ZNF446: variants seen among roughly 807,000 people sequenced by gnomAD.
ZNF446 encodes zinc finger protein 446.
ZNF446 carries 42 observed loss-of-function variants against 34.0 expected under a neutral mutation model. The ratio of observed to expected loss-of-function variants is 1.23; its 90% CI spans 0.96 to 1.60. ZNF446 has a LOEUF of 1.60. Among genes scored for constraint, ZNF446 ranks in the 40% most tolerant of loss-of-function variants. The pLI is 0.00. For synonymous variants in ZNF446, 315 were observed against 251.0 expected, an observed-to-expected ratio of 1.25 and a Z score of -2.41; for missense variants, 650 against 600.2, an observed-to-expected ratio of 1.08 and a Z score of -0.87.
intron 1 of ZNF446, among the ~76,000 whole-genome samples, 154 bp from the exon 2 acceptor site, chr19:58,477,025 T>A (rs1349252986): frequency 6.6e-6 from 1 of 152,134 alleles, no homozygotes; most frequent in Non-Finnish European, 1.5e-5. Flanking sequence ...TTGGGTCCTG[T>A]GACCCTCCTC....
At chr19:58,482,629 C>T (rs750232178), downstream of ZNF446, among the ~76,000 whole-genome samples, 6 of 152,186 alleles carry the variant, frequency 3.9e-5, no homozygotes, top group Non-Finnish European at 8.8e-5. Context: ...CCTGCTGCGG[C>T]CTGAAGCTGG....
rs373908208 is a variant in ZNF446 at position 58,477,641 on chromosome 19, C to G, written c.347C>G (p.Thr116Arg). 1.0e-4 allele frequency: 168 copies of G among 1,613,688 alleles called. No homozygotes were observed. Among genetic ancestry groups the G allele is most frequent in the Admixed American group, 4.8e-4 (29 of 60,010 alleles). Residue 116 changes from threonine to arginine, a missense_variant, in exon 3 of 7, where the codon ACA (threonine) becomes AGA (arginine). Thr to Arg is a moderately conservative substitution (Grantham distance 71). Coordinates refer to ENST00000594369, the MANE Select transcript of ZNF446 (RefSeq NM_017908.4). ...HDPGQLLGWI[T>R]AHVLKQEVLP... ...TGACCTACCTCTTCTCCTCAGATCA[C>G]AGCCCATGTCCTGAAGCAGGAGGTG... is the stretch of plus-strand genomic sequence containing the variant.
intron 4 of ZNF446, 35 bp from the exon 5 acceptor site, chr19:58,479,608 G>A: frequency 6.2e-7 from 1 of 1,607,758 alleles, no homozygotes; most frequent in South Asian, 1.1e-5. Context: ...GGGAAGGGGT[G>A]GAAAGACGCC....
intron 4 of ZNF446, 126 bp downstream of exon 4, chr19:58,478,307 C>T: frequency 1.3e-6 from 1 of 796,020 alleles, no homozygotes; most frequent in Non-Finnish European, 2.0e-6. Context: ...GAAGTGGAGT[C>T]TGTAAAAGCT....
chr19:58,477,651 C>T lies in ZNF446; in HGVS notation c.357C>T (p.Val119=). Reference sequence around the variant, plus strand: ...CTTCTCCTCAGATCACAGCCCATGTCCTGAAGCAGGAGGTGCTCCCTGCAG... The same window carrying T: ...CTTCTCCTCAGATCACAGCCCATGTTCTGAAGCAGGAGGTGCTCCCTGCAG... ...GQLLGWITAH[V]LKQEVLPAAQ... Residue 119 remains valine, a synonymous_variant, in exon 3 of 7, where the codon GTC becomes GTT. Transcript: ENST00000594369. 1.2e-6 allele frequency: 2 copies of T among 1,613,832 alleles called. No homozygotes were observed. The highest frequency in any genetic ancestry group is 1.7e-6 in the Non-Finnish European group (2 of 1,180,030).
Position 58,480,766 on chromosome 19 carries a change from C to A in ZNF446, c.*40C>A. On this transcript the variant is annotated 3_prime_UTR_variant, in exon 7 of 7. Coordinates refer to ENST00000594369, the MANE Select transcript of ZNF446 (RefSeq NM_017908.4). The surrounding 1 kb of genome is among the most constrained non-coding windows in gnomAD (Gnocchi z 7.2). ...CAGTCCCTCGGGGCCTCGGTGTTCT[C>A]GGGGCCTGGATACAGCCTCTGGGGC... 1 of 1,573,124 alleles carries A rather than the reference C, an allele frequency of 6.4e-7. No homozygotes were observed. Among genetic ancestry groups the A allele is most frequent in the South Asian group, 1.1e-5 (1 of 88,164 alleles).
chr19:58,479,581 G>A (rs765436754), intron 4 of ZNF446, 62 bp from the exon 5 acceptor site: 4 of 1,566,882 alleles, frequency 2.6e-6, no homozygotes, highest in Admixed American at 3.7e-5. Context: ...AGGTAAGAAT[G>A]TGAACCAGAC....
At chr19:58,479,430 A>G (rs913247918) in intron 4 of ZNF446, 1 of 574,698 alleles carries the variant, frequency 1.7e-6, no homozygotes, top group Non-Finnish European at 3.1e-6. Context: ...ATGGTGTAGT[A>G]GAGGGGGATG....
chr19:58,478,502 A>G (rs2122443565), intron 4 of ZNF446, among the ~76,000 whole-genome samples: 1 of 152,138 alleles, frequency 6.6e-6, no homozygotes, highest in African/African-American at 2.4e-5. Context: ...TGTATCTACT[A>G]AAGATACAAA....
chr19:58,480,909 GCT>G lies in ZNF446; in HGVS notation c.*192_*193del. On this transcript the variant is annotated 3_prime_UTR_variant, in exon 7 of 7. Coordinates refer to ENST00000594369, the MANE Select transcript of ZNF446 (RefSeq NM_017908.4). This position sits in a 1 kb window ranked among gnomAD's most constrained non-coding sequence, Gnocchi z 7.2. ...GACCTGGGTGCAAGGAAAAGGAGCT[GCT>G]CTCTCTCTTCTTGCCCCTGCCTCCT... 5 of 718,662 alleles carry G rather than the reference GCT, an allele frequency of 7.0e-6. No individual in the cohort carries two copies. In the Admixed American group the frequency reaches 8.8e-5, roughly 13 times the overall value. The allele number at this position is 718,662 out of a possible 1,614,324, so 44.5% of individuals were successfully genotyped here. A position where few individuals can be genotyped will look rare whatever the true frequency, so the allele number is the denominator to read the frequency against.
In ZNF446 at chr19:58,480,667, T is replaced by G; in HGVS notation, c.1294T>G (p.Phe432Val). The G allele has an allele frequency of 1.2e-6, 2 of 1,611,076 alleles. No homozygotes were observed. Among genetic ancestry groups the G allele is most frequent in the South Asian group, 2.2e-5 (2 of 91,064 alleles). The change falls in exon 7 of 7, where the codon TTC becomes GTC. Residue 432 changes from phenylalanine (F) to valine (V), a missense_variant. Phe to Val is a conservative substitution (Grantham distance 50, BLOSUM62 -1). Transcript: ENST00000594369. The surrounding 1 kb of genome is among the most constrained non-coding windows in gnomAD (Gnocchi z 7.2). The stretch of plus-strand genomic sequence containing the variant: ...CTTCTGCAGTGACTGTGGCCGCGCC[T>G]TCGACTGGAAGTCGCAGCTGGTCAT... ...RHFCSDCGRA[F>V]DWKSQLVIHR...
downstream of ZNF446, among the ~76,000 whole-genome samples, chr19:58,484,686 T>A (rs1159091190): frequency 6.6e-6 from 1 of 151,958 alleles, no homozygotes; most frequent in Non-Finnish European, 1.5e-5. Context: ...CGATAAAATT[T>A]TTTTTAAAAA....
rs145267240 is a variant in ZNF446 at position 58,479,665 on chromosome 19, G to C, written c.650G>C (p.Arg217Pro). Residue 217 changes from arginine to proline, a missense_variant, in exon 5 of 7, where the codon CGG becomes CCG. By Grantham distance (103) the Arg-to-Pro change is moderately radical. Coordinates refer to ENST00000594369, the MANE Select transcript of ZNF446 (RefSeq NM_017908.4). The part of the protein sequence containing the change: ...RIQEEWGLLD[R>P]SQKELYWDAM... ...CAGGAGGAGTGGGGGCTGCTGGACC[G>C]GTCACAGAAGGAACTGTACTGGGAT... The C allele has an allele frequency of 1.2e-6, 2 of 1,613,796 alleles. No homozygotes were observed. The highest frequency in any genetic ancestry group is 1.7e-6 in the Non-Finnish European group (2 of 1,179,936).
chr19:58,478,877 A>T (rs2053113019), intron 4 of ZNF446, among the ~76,000 whole-genome samples: 2 of 151,840 alleles, frequency 1.3e-5, no homozygotes, highest in Admixed American at 6.6e-5. Context: ...CTCCCCCCAC[A>T]CCTGAGACCA....
downstream of ZNF446, among the ~76,000 whole-genome samples, chr19:58,482,211 T>G (rs2053145477): frequency 6.6e-6 from 1 of 152,024 alleles, no homozygotes; most frequent in Admixed American, 6.6e-5. Context: ...TTTTTCTTGG[T>G]CCATTCCTCC....
At chr19:58,485,080 T>C (rs1373954002), downstream of ZNF446, among the ~76,000 whole-genome samples, 1 of 151,912 alleles carries the variant, frequency 6.6e-6, no homozygotes, top group Non-Finnish European at 1.5e-5. Context: ...TTTTATATGA[T>C]CCAACAAAAA....
In ZNF446 at chr19:58,480,687, G is replaced by A; in HGVS notation, c.1314G>A (p.Leu438=). The change falls in exon 7 of 7, where the codon CTG becomes CTA. Residue 438 remains leucine, a synonymous_variant. Transcript: ENST00000594369. This position sits in a 1 kb window ranked among gnomAD's most constrained non-coding sequence, Gnocchi z 7.2. ...GCGCCTTCGACTGGAAGTCGCAGCT[G>A]GTCATCCACCGCAAGGGCCACCGGC... ...CGRAFDWKSQ[L]VIHRKGHRPE... The A allele has an allele frequency of 3.1e-6, 5 of 1,609,262 alleles. No individual in the cohort carries two copies. The South Asian group carries it at 5.5e-5, about 18-fold the overall frequency.
chr19:58,479,813 C>A, intron 5 of ZNF446, 86 bp downstream of exon 5: 1 of 1,465,426 alleles, frequency 6.8e-7, no homozygotes, highest in Non-Finnish European at 9.4e-7. Context: ...GGCCTCTGTG[C>A]TACCAGCCCT....
At chr19:58,484,293 A>C (rs559480884), downstream of ZNF446, among the ~76,000 whole-genome samples, 162 of 143,124 alleles carry the variant, frequency 1.1e-3, 1 homozygote, top group South Asian at 5.7e-3. Context: ...AAAAAAAAAA[A>C]ACACACAATT....
Sources: gnomAD v4.1 joint callset for allele counts (sites outside exome capture counted in the v4.1 genomes callset) on GRCh38, gnomAD v4.1.1 for gene constraint, Gnocchi (gnomAD v3.1) non-coding constraint, MANE v1.5 for transcripts, NCBI Gene and HGNC (gene_info 2026-07-23, HGNC 2026-07-21) for gene names.